EPHA3: variants seen among roughly 807,000 people sequenced by gnomAD.
EPHA3 encodes ephrin type-A receptor 3.
A neutral mutation model predicts 107.1 loss-of-function variants in EPHA3; 42 were observed. The observed-to-expected ratio is 0.39, with a 90% CI of 0.31 to 0.51. The LOEUF is 0.51. Ranked by LOEUF, EPHA3 falls within the 20% of genes least tolerant of loss-of-function variation. EPHA3 has a pLI of 0.78. For synonymous variants in EPHA3, 461 were observed against 424.8 expected, an observed-to-expected ratio of 1.09 and a Z score of -1.05; for missense variants, 1,183 against 1,211.2, an observed-to-expected ratio of 0.98 and a Z score of 0.35.
intron 2 of EPHA3, among the ~76,000 whole-genome samples, chr3:89,192,334 T>C (rs1310028237): frequency 6.6e-6 from 1 of 152,166 alleles, no homozygotes; most frequent in Non-Finnish European, 1.5e-5. Flanking sequence ...GAAAATGATG[T>C]ACTCTGAGCC....
rs1709312017 is a variant in EPHA3 at position 89,419,359 on chromosome 3, T to C, written c.2043T>C (p.Asn681=). The change falls in exon 11 of 17, where the codon AAT becomes AAC. Residue 681 remains asparagine (N), a synonymous_variant. Coordinates refer to ENST00000336596, the MANE Select transcript of EPHA3 (RefSeq NM_005233.6). ...TTATGGGACAGTTTGACCACCCCAA[T>C]ATCATTCGACTGGAAGGAGTTGTTA... ...ASIMGQFDHP[N]IIRLEGVVTK... is the part of the protein sequence containing the mutation. 2 of 1,602,288 alleles carry C rather than the reference T, an allele frequency of 1.2e-6. No individual in the cohort carries two copies. The highest frequency in any genetic ancestry group is 1.7e-5 in the Admixed American group (1 of 57,822).
At chr3:89,353,477 A>T (rs1251461862) in intron 5 of EPHA3, among the ~76,000 whole-genome samples, 1 of 151,398 alleles carries the variant, frequency 6.6e-6, no homozygotes, top group Non-Finnish European at 1.5e-5. Flanking sequence ...CAACAAACAA[A>T]TGACGTCTGA....
intron 5 of EPHA3, among the ~76,000 whole-genome samples, chr3:89,351,438 G>A (rs543690894): frequency 0.039 from 5,815 of 150,530 alleles, 386 homozygotes; most frequent in African/African-American, 0.13. Flanking sequence ...GACCCCTTGC[G>A]CTTCCCAGGT....
In EPHA3 at chr3:89,134,223, T is replaced by TA. The variant is rs200056315; in HGVS notation, c.153+6950_153+6951insA. Among the ~76,000 whole-genome samples the TA allele has an allele frequency of 2.5e-3, 233 of 94,152 alleles. 1 individual carries two copies. The highest frequency in any genetic ancestry group is 5.9e-3 in the South Asian group (16 of 2,726). The allele number at this position is 94,152 out of a possible 152,430, so 61.8% of individuals were successfully genotyped here. A position where few individuals can be genotyped will look rare whatever the true frequency, so the allele number is the denominator to read the frequency against. ...CCTTGTCAACTTTCTTTTTTTTTTT[T>TA]TAAAAAAATTATACTTTAAGTTCTA... is the stretch of plus-strand genomic sequence containing the variant. On this transcript the variant is annotated intron_variant, in intron 2 of 16. Transcript: ENST00000336596.
intron 3 of EPHA3, among the ~76,000 whole-genome samples, chr3:89,300,771 G>A (rs1481587083): frequency 6.6e-6 from 1 of 151,942 alleles, no homozygotes; most frequent in Non-Finnish European, 1.5e-5. Flanking sequence ...TTTTAATAAA[G>A]GATATCCTGT....
chr3:89,379,655 A>G (rs1266623075), intron 5 of EPHA3, among the ~76,000 whole-genome samples: 6 of 152,202 alleles, frequency 3.9e-5, no homozygotes, highest in Non-Finnish European at 5.9e-5. Flanking sequence ...GAGTACGCCT[A>G]TGTTACAAAT....
intron 12 of EPHA3, 51 bp from the exon 13 acceptor site, chr3:89,431,099 T>A: frequency 6.4e-7 from 1 of 1,562,310 alleles, no homozygotes; most frequent in Non-Finnish European, 8.8e-7. Flanking sequence ...TAAAGATATA[T>A]CTTTAAGAAA....
At chr3:89,204,956 A>G (rs1297493029) in intron 2 of EPHA3, among the ~76,000 whole-genome samples, 1 of 152,198 alleles carries the variant, frequency 6.6e-6, no homozygotes, top group African/African-American at 2.4e-5. Flanking sequence ...AGCATTTTGT[A>G]AAGCGCAGAA....
At chr3:89,255,770 AC>A (rs1705270485) in intron 3 of EPHA3, among the ~76,000 whole-genome samples, 1 of 151,824 alleles carries the variant, frequency 6.6e-6, no homozygotes, top group Admixed American at 6.6e-5. Flanking sequence ...GCATGGTGGC[AC>A]ATCCCTGTAG....
At chr3:89,357,413 A>G (rs1436012072) in intron 5 of EPHA3, among the ~76,000 whole-genome samples, 3 of 150,872 alleles carry the variant, frequency 2.0e-5, no homozygotes, top group Non-Finnish European at 4.4e-5. Context: ...ATGTCAGATG[A>G]CCCCAAAATT....
intron 3 of EPHA3, among the ~76,000 whole-genome samples, chr3:89,264,532 T>C (rs571945530): frequency 1.6e-4 from 25 of 152,338 alleles, no homozygotes; most frequent in African/African-American, 5.8e-4. Context: ...TATTCTAATG[T>C]AGATGAGTTC....
intron 3 of EPHA3, among the ~76,000 whole-genome samples, chr3:89,287,747 A>G (rs1316807664): frequency 6.6e-6 from 1 of 152,082 alleles, no homozygotes; most frequent in Non-Finnish European, 1.5e-5. Context: ...TTATCTACAG[A>G]TAGAGAAATT....
At chr3:89,418,202 T>G (rs1328721670) in intron 10 of EPHA3, among the ~76,000 whole-genome samples, 2 of 151,416 alleles carry the variant, frequency 1.3e-5, no homozygotes, top group African/African-American at 4.8e-5. Context: ...TTCTAAAATA[T>G]TTCAAGAAAA....
At chr3:89,132,856 C>T (rs1704234450) in intron 2 of EPHA3, among the ~76,000 whole-genome samples, 2 of 152,138 alleles carry the variant, frequency 1.3e-5, no homozygotes, top group African/African-American at 4.8e-5. Flanking sequence ...AGCCGCTGCA[C>T]TCTAGCCTGA....
At chr3:89,193,448 G>A (rs534422004) in intron 2 of EPHA3, among the ~76,000 whole-genome samples, 37 of 151,986 alleles carry the variant, frequency 2.4e-4, no homozygotes, top group Non-Finnish European at 5.0e-4. Flanking sequence ...TGATCATTTT[G>A]ATGTAGAAAG....
At chr3:89,296,033 C>A (rs1706346535) in intron 3 of EPHA3, among the ~76,000 whole-genome samples, 1 of 152,214 alleles carries the variant, frequency 6.6e-6, no homozygotes, top group South Asian at 2.1e-4. Flanking sequence ...TTCAGACACA[C>A]ATTCATGCTC....
chr3:89,452,819 T>C (rs1178323472), intron 15 of EPHA3, among the ~76,000 whole-genome samples: 8 of 152,168 alleles, frequency 5.3e-5, no homozygotes, highest in Non-Finnish European at 1.0e-4. Flanking sequence ...AGCTTTACAG[T>C]ATTAGGTCTT....
At chr3:89,298,436 T>G (rs2107341756) in intron 3 of EPHA3, among the ~76,000 whole-genome samples, 1 of 152,294 alleles carries the variant, frequency 6.6e-6, no homozygotes, top group African/African-American at 2.4e-5. Flanking sequence ...AGCAGTAAAA[T>G]ATTGCACCAT....
intron 2 of EPHA3, among the ~76,000 whole-genome samples, chr3:89,183,216 C>T (rs1471819882): frequency 6.6e-6 from 1 of 151,942 alleles, no homozygotes; most frequent in Non-Finnish European, 1.5e-5. Context: ...ATGTACCTTT[C>T]TATATATTGT....
Sources: gnomAD v4.1 joint callset for allele counts (sites outside exome capture counted in the v4.1 genomes callset) on GRCh38, gnomAD v4.1.1 for gene constraint, MANE v1.5 for transcripts, NCBI Gene and HGNC (gene_info 2026-07-23, HGNC 2026-07-21) for gene names.